SYF2: variants seen among roughly 807,000 people sequenced by gnomAD.
SYF2 encodes the protein SYF2 pre-mRNA splicing factor.
Under a neutral mutation model 32.7 loss-of-function variants are expected in SYF2, and 21 were observed. The ratio of observed to expected loss-of-function variants is 0.64; its 90% CI spans 0.45 to 0.92. SYF2 has a LOEUF of 0.92. Ranked by LOEUF, SYF2 falls within the 40% of genes least tolerant of loss-of-function variation. SYF2 has a pLI of 0.00. For missense variants in SYF2, 278 were observed against 296.5 expected (o/e 0.94, Z 0.46); for synonymous variants, 114 against 103.9 (o/e 1.10, Z -0.59).
intron 6 of SYF2, among the ~76,000 whole-genome samples, chr1:25,224,759 T>TCC (rs1415710748): frequency 6.6e-6 from 1 of 152,168 alleles, no homozygotes; most frequent in Non-Finnish European, 1.5e-5. Context: ...TTTAGACCTT[T>TCC]CCCCTTCAAT....
At chr1:25,226,976 G>A (rs1055379952) in intron 5 of SYF2, among the ~76,000 whole-genome samples, 9 of 150,010 alleles carry the variant, frequency 6.0e-5, no homozygotes, top group South Asian at 2.1e-4. Flanking sequence ...GCGAGACACC[G>A]TCTCTTAAAA....
intron 3 of SYF2, 105 bp downstream of exon 3, chr1:25,228,878 CCAGAATTTCAATTCT>C (rs1638569850): frequency 7.9e-7 from 1 of 1,258,792 alleles, no homozygotes; most frequent in Admixed American, 2.4e-5. Flanking sequence ...CTGAGCAGAG[CCAGAATTTCAATTCT>C]GGCAGCTTGG....
chr1:25,228,775 T>G (rs1638568371), intron 3 of SYF2, among the ~76,000 whole-genome samples: 1 of 152,218 alleles, frequency 6.6e-6, no homozygotes, highest in Non-Finnish European at 1.5e-5. Context: ...CATAATGAAC[T>G]CAAATAATTA....
chr1:25,226,517 A>C (rs1638512123), intron 5 of SYF2, among the ~76,000 whole-genome samples: 1 of 152,234 alleles, frequency 6.6e-6, no homozygotes, highest in Admixed American at 6.5e-5. Context: ...TCACAGAAAA[A>C]GTTCACCAAC....
chr1:25,227,399 A>C (rs1262247532), intron 5 of SYF2, 43 bp downstream of exon 5: 1 of 1,507,574 alleles, frequency 6.6e-7, no homozygotes, highest in Non-Finnish European at 9.2e-7. Context: ...ACACACACAC[A>C]CACAAATACA....
chr1:25,226,764 C>T (rs1356810986), intron 5 of SYF2, among the ~76,000 whole-genome samples: 1 of 152,156 alleles, frequency 6.6e-6, no homozygotes, highest in African/African-American at 2.4e-5. Context: ...GATGGAGGAT[C>T]ACTTGAGGCC....
chr1:25,227,783 A>G (rs961297467), intron 4 of SYF2, among the ~76,000 whole-genome samples: 1 of 152,196 alleles, frequency 6.6e-6, no homozygotes, highest in Non-Finnish European at 1.5e-5. Context: ...GGATTTTGCA[A>G]CATTTGGGAT....
chr1:25,225,857 CAAA>C (rs554935229), intron 5 of SYF2, among the ~76,000 whole-genome samples: 1 of 119,338 alleles, frequency 8.4e-6, no homozygotes, highest in East Asian at 2.5e-4. Context: ...GACTCTGTCT[CAAA>C]AAAAAAAAAA....
chr1:25,227,558 G>A (rs373801907), intron 4 of SYF2, 26 bp from the exon 5 acceptor site: 64 of 1,596,802 alleles, frequency 4.0e-5, no homozygotes, highest in Non-Finnish European at 4.5e-5. Flanking sequence ...GAGAATCAGC[G>A]ATAATATATT....
intron 2 of SYF2, chr1:25,230,867 G>A (rs1291956312): frequency 2.0e-5 from 3 of 150,822 alleles, no homozygotes; most frequent in Admixed American, 6.6e-5. Context: ...TGTCGCCCAG[G>A]CTGGAGTGCA....
At chr1:25,228,691 CAT>C (rs1413479926) in intron 3 of SYF2, among the ~76,000 whole-genome samples, 1 of 152,208 alleles carries the variant, frequency 6.6e-6, no homozygotes, top group Non-Finnish European at 1.5e-5. Context: ...TAAGTGAGCA[CAT>C]GATACTTATT....
intron 2 of SYF2, chr1:25,231,808 T>C (rs1557472243): frequency 8.4e-6 from 4 of 476,922 alleles, no homozygotes; most frequent in Non-Finnish European, 1.1e-5. Context: ...ATGAAGAATT[T>C]GTTGGAATCA....
chr1:25,232,487 C>G lies in SYF2; in HGVS notation c.-20G>C, dbSNP rs1638656354. On this transcript the variant is annotated 5_prime_UTR_variant, in exon 1 of 7. Coordinates refer to ENST00000236273, the MANE Select transcript of SYF2 (RefSeq NM_015484.5). ...CGCCATCACAACCTTTCTCTCTTCC[C>G]ACTTCCGGCAACAAGATAGAGCACT... is the stretch of plus-strand genomic sequence containing the variant. 6.2e-7 allele frequency: 1 copy of G among 1,614,096 alleles called. No individual in the cohort carries two copies. Among genetic ancestry groups the G allele is most frequent in the Admixed American group, 1.7e-5 (1 of 60,006 alleles).
intron 5 of SYF2, among the ~76,000 whole-genome samples, chr1:25,226,619 C>G (rs1638514166): frequency 6.6e-6 from 1 of 152,140 alleles, no homozygotes; most frequent in Admixed American, 6.6e-5. Flanking sequence ...CTTAGAATGC[C>G]CAGTTAAGAA....
intron 6 of SYF2, 67 bp from the exon 7 acceptor site, chr1:25,223,498 CA>C: frequency 1.3e-6 from 2 of 1,483,630 alleles, no homozygotes; most frequent in Non-Finnish European, 9.2e-7. Flanking sequence ...AAAACACAAC[CA>C]AACAGGAATA....
intron 2 of SYF2, 68 bp downstream of exon 2, chr1:25,232,036 G>A (rs768502890): frequency 6.7e-7 from 1 of 1,481,526 alleles, no homozygotes; most frequent in Non-Finnish European, 9.3e-7. Flanking sequence ...TGGCTTCCTC[G>A]TCCCCTCTAC....
intron 5 of SYF2, among the ~76,000 whole-genome samples, chr1:25,226,238 A>G (rs746223944): frequency 2.6e-5 from 4 of 152,250 alleles, no homozygotes; most frequent in Admixed American, 6.5e-5. Flanking sequence ...TTCACTGTAC[A>G]GATCAAAGAG....
At chr1:25,231,453 T>C (rs1185964065) in intron 2 of SYF2, 1 of 152,534 alleles carries the variant, frequency 6.6e-6, no homozygotes, top group African/African-American at 2.4e-5. Context: ...CTCCTTTAGT[T>C]GTCTGGCTTT....
chr1:25,227,583 T>C (rs1638538593), intron 4 of SYF2, 51 bp from the exon 5 acceptor site: 1 of 1,514,380 alleles, frequency 6.6e-7, no homozygotes, highest in South Asian at 1.2e-5. Context: ...TGTTTGGACC[T>C]TCCTATTGAG....
Sources: gnomAD v4.1 joint callset for allele counts (sites outside exome capture counted in the v4.1 genomes callset) on GRCh38, gnomAD v4.1.1 for gene constraint, MANE v1.5 for transcripts, NCBI Gene and HGNC (gene_info 2026-07-23, HGNC 2026-07-21) for gene names.